Variants in PGM2 observed in about 807,000 individuals in gnomAD.
The protein encoded by PGM2 is phosphopentomutase.
In PGM2, 57 loss-of-function variants were observed where a neutral mutation model predicts 74.6. That is an observed-to-expected ratio of 0.76 (90% CI 0.62 to 0.95). The LOEUF is 0.95. Ranked by LOEUF, PGM2 falls within the 40% of genes least tolerant of loss-of-function variation. The pLI, the probability that PGM2 is intolerant of heterozygous loss-of-function variation, is 0.00. For missense variants in PGM2, 706 were observed against 741.9 expected, an observed-to-expected ratio of 0.95 and a Z score of 0.56; for synonymous variants, 273 against 260.7, an observed-to-expected ratio of 1.05 and a Z score of -0.46.
intron 12 of PGM2, 54 bp from the exon 13 acceptor site, chr4:37,855,554 T>G: frequency 6.7e-7 from 1 of 1,481,756 alleles, no homozygotes; most frequent in South Asian, 1.3e-5. Context: ...GAGAAGATAT[T>G]GGTTAGGCCA....
intron 3 of PGM2, among the ~76,000 whole-genome samples, chr4:37,836,891 A>G (rs910220976): frequency 8.8e-5 from 13 of 147,878 alleles, no homozygotes; most frequent in Non-Finnish European, 1.8e-4. Flanking sequence ...GTATACACAC[A>G]TGCGTACTCC....
chr4:37,840,415 A>G (rs998635554), intron 6 of PGM2, among the ~76,000 whole-genome samples, 156 bp downstream of exon 6: 8 of 152,212 alleles, frequency 5.3e-5, no homozygotes, highest in African/African-American at 1.9e-4. Context: ...ACAGGGTCTC[A>G]CTGTGTCACC....
chr4:37,842,111 ATG>A (rs1725745633), intron 6 of PGM2, among the ~76,000 whole-genome samples: 2 of 150,972 alleles, frequency 1.3e-5, no homozygotes, highest in African/African-American at 4.8e-5. Context: ...TATATTTTCT[ATG>A]TGTTTGTTCA....
At chr4:37,861,477 T>G in intron 13 of PGM2, 33 bp from the exon 14 acceptor site, 1 of 1,437,500 alleles carries the variant, frequency 7.0e-7, no homozygotes, top group Non-Finnish European at 9.8e-7. Context: ...GAATAATCCC[T>G]TGACCTGGAT....
In PGM2 at chr4:37,847,077, G is replaced by T; in HGVS notation, c.1154G>T (p.Arg385Leu). The change falls in exon 9 of 14, where the codon CGG becomes CTG. Residue 385 changes from arginine to leucine, a missense_variant. This residue lies in a region of PGM2 where 359 missense variants were observed against 371.1 expected (regional missense o/e 0.97). Coordinates refer to ENST00000381967, the MANE Select transcript of PGM2 (RefSeq NM_018290.4). ...AGCACCGTCTCCTCCAAAATCTTGC[G>T]GGCCATTGCCTTAAAGGAAGGTTTT... ...LSSTVSSKIL[R>L]AIALKEGFHF... The T allele has an allele frequency of 6.2e-7, 1 of 1,613,696 alleles. No homozygotes were observed. Among genetic ancestry groups the T allele is most frequent in the Non-Finnish European group, 8.5e-7 (1 of 1,179,710 alleles).
rs576708418 is a variant in PGM2, at chr4:37,847,141, C to T, written c.1188+30C>T. ...GGTGTTTCTGGGACTCACTCATTTT[C>T]CTTTCATCTGCTCTGTAGAAGATCT... On this transcript the variant is annotated intron_variant, in intron 9 of 13. Coordinates refer to ENST00000381967, the MANE Select transcript of PGM2 (RefSeq NM_018290.4). The T allele has an allele frequency of 3.7e-6, 6 of 1,602,738 alleles. No individual in the cohort carries two copies. In the South Asian group the frequency reaches 6.6e-5, roughly 18 times the overall value.
At chr4:37,837,409 T>C (rs1172828173) in intron 3 of PGM2, 120 bp from the exon 4 acceptor site, 8 of 745,034 alleles carry the variant, frequency 1.1e-5, no homozygotes, top group Admixed American at 5.4e-5. Context: ...ATAAATGCTG[T>C]CCTTGATCTG....
intron 2 of PGM2, among the ~76,000 whole-genome samples, chr4:37,832,259 G>C (rs1382938838): frequency 6.6e-6 from 1 of 152,350 alleles, no homozygotes; most frequent in Middle Eastern, 3.4e-3. Flanking sequence ...TGAGCAGCAA[G>C]TATATCTTTA....
At chr4:37,831,303 A>G (rs1725437182) in intron 2 of PGM2, among the ~76,000 whole-genome samples, 1 of 151,744 alleles carries the variant, frequency 6.6e-6, no homozygotes, top group Admixed American at 6.6e-5. Flanking sequence ...TGGGGTAAGT[A>G]TGGGAATCCT....
chr4:37,850,523 G>A (rs10012171), intron 12 of PGM2, 150 bp downstream of exon 12: 25,153 of 517,496 alleles, frequency 0.049, 1,515 homozygotes, highest in African/African-American at 0.18. Context: ...TATGGAAGCC[G>A]GATGTGGTGG....
intron 13 of PGM2, among the ~76,000 whole-genome samples, chr4:37,859,737 A>G (rs1294824705): frequency 6.6e-6 from 1 of 152,170 alleles, no homozygotes. Flanking sequence ...TTTATAATCA[A>G]ATCAAGAACA....
chr4:37,839,621 A>G (rs1725653098), intron 4 of PGM2: 2 of 653,982 alleles, frequency 3.1e-6, no homozygotes. Context: ...CACTGAGGAA[A>G]TTACTCACCT....
chr4:37,861,646 T>TA lies in PGM2; in HGVS notation c.*35dup. 1 of 1,329,452 alleles carries TA rather than the reference T, an allele frequency of 7.5e-7. No individual in the cohort carries two copies. The allele number at this position is 1,329,452 out of a possible 1,614,324, so 82.4% of individuals were successfully genotyped here. The stretch of plus-strand genomic sequence containing the variant: ...AGCCTTGGGTATACTTGCATTTACC[T>TA]ACAATTAAGCTGGGTTTAACTTGTT... On this transcript the variant is annotated 3_prime_UTR_variant, in exon 14 of 14. Transcript: ENST00000381967.
intron 3 of PGM2, among the ~76,000 whole-genome samples, 177 bp downstream of exon 3, chr4:37,834,901 A>G (rs1725526976): frequency 6.6e-6 from 1 of 152,246 alleles, no homozygotes; most frequent in African/African-American, 2.4e-5. Context: ...TAGGTTAAGG[A>G]AATAAAATTA....
At chr4:37,834,026 T>G (rs1725501541) in intron 2 of PGM2, among the ~76,000 whole-genome samples, 1 of 152,166 alleles carries the variant, frequency 6.6e-6, no homozygotes, top group Non-Finnish European at 1.5e-5. Context: ...TGAGGCTTAT[T>G]TTACCCATCT....
chr4:37,827,260 T>C (rs993745848), intron 1 of PGM2, among the ~76,000 whole-genome samples: 1 of 152,214 alleles, frequency 6.6e-6, no homozygotes, highest in African/African-American at 2.4e-5. Context: ...AGCAGCGTTC[T>C]GGTCCGGTCC....
In PGM2 at chr4:37,855,678, G is replaced by A. The variant is rs150524340; in HGVS notation, c.1673G>A (p.Arg558His). 4.4e-4 allele frequency: 718 copies of A among 1,613,938 alleles called. 1 individual carries two copies. Among genetic ancestry groups the A allele is most frequent in the Admixed American group, 1.0e-3 (61 of 60,010 alleles). ...TFANGGVATM[R>H]TSGTEPKIKY... ...GCTAATGGAGGCGTGGCCACCATGC[G>A]CACCAGTGGGACAGAGCCCAAAATC... Residue 558 changes from arginine (R) to histidine (H), a missense_variant, in exon 13 of 14, where the codon CGC becomes CAC. Arg to His is a conservative substitution (Grantham distance 29). Transcript: ENST00000381967.
intron 6 of PGM2, among the ~76,000 whole-genome samples, chr4:37,842,033 T>G (rs1157772301): frequency 1.3e-5 from 2 of 152,146 alleles, no homozygotes; most frequent in African/African-American, 4.8e-5. Context: ...TGTGATCCAA[T>G]TTCTCATTTT....
chr4:37,861,556 A>T lies in PGM2; in HGVS notation c.1783A>T (p.Ile595Phe). 6.2e-7 allele frequency: 1 copy of T among 1,613,550 alleles called. No homozygotes were observed. The highest frequency in any genetic ancestry group is 2.2e-5 in the East Asian group (1 of 44,846). ...GGAACTGAATGAACTGGTCAGTGCT[A>T]TTGAAGAACATTTTTTCCAGCCACA... ...KKELNELVSA[I>F]EEHFFQPQKY... The change falls in exon 14 of 14, where the codon ATT (isoleucine) becomes TTT (phenylalanine). Residue 595 changes from isoleucine (I) to phenylalanine (F), a missense_variant. By Grantham distance (21) the Ile-to-Phe change is conservative. This residue lies in a region of PGM2 where 359 missense variants were observed against 371.1 expected (regional missense o/e 0.97). Coordinates refer to ENST00000381967, the MANE Select transcript of PGM2 (RefSeq NM_018290.4).
Sources: allele counts gnomAD v4.1 joint callset (sites outside exome capture counted in the v4.1 genomes callset), GRCh38; gene constraint gnomAD v4.1.1; regional missense constraint gnomAD v4.1.1; transcripts MANE v1.5; gene names NCBI Gene and HGNC (gene_info 2026-07-23, HGNC 2026-07-21).